PDE2A: variants seen among roughly 807,000 people sequenced by gnomAD.
PDE2A encodes cGMP-dependent 3',5'-cyclic phosphodiesterase.
A neutral mutation model predicts 133.6 loss-of-function variants in PDE2A; 53 were observed. The ratio of observed to expected loss-of-function variants is 0.40; its 90% CI spans 0.32 to 0.50. The LOEUF (loss-of-function observed/expected upper bound fraction) is 0.50. PDE2A is among the 20% of genes least tolerant of loss of function. The probability of loss-of-function intolerance (pLI) is 0.73; values close to 1 mark genes in which losing one functional copy is unlikely to be tolerated. For synonymous variants in PDE2A, 491 were observed against 490.2 expected (o/e 1.00, Z -0.02); for missense variants, 796 against 1,232.4 (o/e 0.65, Z 5.30).
chr11:72,606,561 A>G (rs550502826), intron 3 of PDE2A, among the ~76,000 whole-genome samples: 1 of 152,282 alleles, frequency 6.6e-6, no homozygotes, highest in East Asian at 1.9e-4. Context: ...TAAGGCCTGA[A>G]GGGAGTGAGA....
chr11:72,630,580 TG>T (rs1858325107), intron 2 of PDE2A, among the ~76,000 whole-genome samples: 1 of 48,720 alleles, frequency 2.1e-5, no homozygotes. Flanking sequence ...GGAGGGGGCA[TG>T]GGGGTGGGGA....
At chr11:72,609,943 T>C (rs1482422219) in intron 2 of PDE2A, among the ~76,000 whole-genome samples, 1 of 149,726 alleles carries the variant, frequency 6.7e-6, no homozygotes. Context: ...GCAGGCCATA[T>C]TAATAGAGGT....
chr11:72,607,815 A>G lies in PDE2A; in HGVS notation c.234+847T>C, dbSNP rs1364620213. 2.0e-5 allele frequency among the ~76,000 whole-genome samples: 3 copies of G among 152,142 alleles called. No homozygotes were observed. The East Asian group carries it at 5.8e-4, about 29-fold the overall frequency. On this transcript the variant is annotated intron_variant, in intron 3 of 30. Coordinates refer to ENST00000334456, the MANE Select transcript of PDE2A (RefSeq NM_002599.5). ...TTTAGAGTAGGGAAGAGGACATTCA[A>G]GGCTATCAGGACTCAGTTAGGGCAT...
chr11:72,655,506 C>A (rs117244798), intron 1 of PDE2A, among the ~76,000 whole-genome samples: 1 of 151,580 alleles, frequency 6.6e-6, no homozygotes, highest in Non-Finnish European at 1.5e-5. Flanking sequence ...TGTGTGTGCA[C>A]GCACGTGTGT....
chr11:72,606,788 G>A (rs569724326), intron 3 of PDE2A, among the ~76,000 whole-genome samples: 4 of 152,316 alleles, frequency 2.6e-5, no homozygotes, highest in Admixed American at 2.0e-4. Flanking sequence ...GCAGAGGGAG[G>A]GGTGGGTAGT....
In PDE2A at chr11:72,579,678, G is replaced by A. The variant is rs564158524; in HGVS notation, c.2182-70C>T. The A allele has an allele frequency of 5.7e-4, 616 of 1,087,200 alleles. 5 individuals carry two copies. The South Asian group carries it at 7.8e-3, about 14-fold the overall frequency. 67.3% of individuals were successfully genotyped at this position (1,087,200 alleles called of 1,614,324 possible). A position where few individuals can be genotyped will look rare whatever the true frequency, so the allele number is the denominator to read the frequency against. ...TCCCTTACCATTGACCCCAAGAGAG[G>A]AAGCAGGGGCCTCGTCCAGCTCCAG... is the stretch of plus-strand genomic sequence containing the variant. On this transcript the variant is annotated intron_variant, in intron 25 of 30. Transcript: ENST00000334456.
At position 72,590,270 on chromosome 11, in the gene PDE2A, G is replaced by A. The variant is rs1361977952; in HGVS notation, c.704-26C>T. The A allele has an allele frequency of 6.5e-7, 1 of 1,550,020 alleles. No individual in the cohort carries two copies. The highest frequency in any genetic ancestry group is 1.4e-5 in the African/African-American group (1 of 73,034). On this transcript the variant is annotated intron_variant, in intron 8 of 30. Transcript: ENST00000334456. The surrounding 1 kb of genome is among the most constrained non-coding windows in gnomAD (Gnocchi z 4.8). ...CTGCAAGGGCCAGGCGCCGGTCAGA[G>A]AGAGGGCCCCTCCGCACCTCCGTGT...
At chr11:72,667,171 G>A (rs781527147) in intron 1 of PDE2A, among the ~76,000 whole-genome samples, 6 of 151,972 alleles carry the variant, frequency 3.9e-5, no homozygotes, top group African/African-American at 9.7e-5. Context: ...ACTTTTATAC[G>A]AACACTGACC....
chr11:72,587,897 C>A (rs772583352), intron 13 of PDE2A: 1 of 152,330 alleles, frequency 6.6e-6, no homozygotes. Flanking sequence ...ACCTCAGGCC[C>A]GGGCTCTGAC....
Position 72,624,184 on chromosome 11 carries a change from G to A in PDE2A, c.145-15433C>T, listed in dbSNP as rs1342042510. Among the ~76,000 whole-genome samples the A allele has an allele frequency of 2.0e-5, 3 of 151,998 alleles. No homozygotes were observed. The East Asian group carries it at 5.8e-4, about 29-fold the overall frequency. ...TTTTTGTATTTTTAGTAGAGATGGGGTTTCACCAGACTGGTCTTGAACTCC... is the reference window on the plus strand; with the variant it reads ...TTTTTGTATTTTTAGTAGAGATGGGATTTCACCAGACTGGTCTTGAACTCC... On this transcript the variant is annotated intron_variant, in intron 2 of 30. Coordinates refer to ENST00000334456, the MANE Select transcript of PDE2A (RefSeq NM_002599.5).
At chr11:72,651,216 A>C (rs1591130004) in intron 1 of PDE2A, among the ~76,000 whole-genome samples, 1 of 152,188 alleles carries the variant, frequency 6.6e-6, no homozygotes, top group East Asian at 1.9e-4. Context: ...AGATTCTAAC[A>C]TTCTAATGTC....
At chr11:72,633,460 G>T in intron 2 of PDE2A, among the ~76,000 whole-genome samples, 1 of 152,198 alleles carries the variant, frequency 6.6e-6, no homozygotes, top group South Asian at 2.1e-4. Context: ...TCACAAAGGG[G>T]CTAGTTGGAT....
chr11:72,668,371 G>T (rs1471012630), intron 1 of PDE2A: 1 of 718,710 alleles, frequency 1.4e-6, no homozygotes, highest in South Asian at 1.5e-5. Flanking sequence ...TGGGTTTGTG[G>T]TGAGGATTAA....
At chr11:72,657,510 C>T (rs466929) in intron 1 of PDE2A, among the ~76,000 whole-genome samples, 5 of 152,244 alleles carry the variant, frequency 3.3e-5, no homozygotes, top group East Asian at 1.9e-4. Flanking sequence ...GCCCCAGCCC[C>T]GCTCACACAC....
intron 1 of PDE2A, among the ~76,000 whole-genome samples, chr11:72,647,863 G>A (rs1401450898): frequency 6.6e-6 from 1 of 152,222 alleles, no homozygotes; most frequent in African/African-American, 2.4e-5. Flanking sequence ...TTGTATCCTT[G>A]TGAGGGTGTG....
At chr11:72,582,882 G>A (rs1354667945) in intron 20 of PDE2A, among the ~76,000 whole-genome samples, 9 of 152,326 alleles carry the variant, frequency 5.9e-5, no homozygotes, top group African/African-American at 2.2e-4. Context: ...TCCTCCTTTT[G>A]TGGAGACCTT....
intron 1 of PDE2A, among the ~76,000 whole-genome samples, chr11:72,654,272 G>A (rs1287288728): frequency 6.6e-6 from 1 of 152,178 alleles, no homozygotes; most frequent in Non-Finnish European, 1.5e-5. Flanking sequence ...TCGGCGTCAG[G>A]GAAGTGGCAG....
intron 2 of PDE2A, among the ~76,000 whole-genome samples, chr11:72,614,336 C>T (rs1462727255): frequency 6.6e-6 from 1 of 152,176 alleles, no homozygotes; most frequent in Non-Finnish European, 1.5e-5. Context: ...CTTGGCAACC[C>T]TTGGGAGGCT....
At chr11:72,642,896 G>C (rs1859021393) in intron 1 of PDE2A, 1 of 154,744 alleles carries the variant, frequency 6.5e-6, no homozygotes, top group South Asian at 2.0e-4. Flanking sequence ...CAGCCTAGGA[G>C]GCAGGGGGAA....
Sources: allele counts gnomAD v4.1 joint callset (sites outside exome capture counted in the v4.1 genomes callset), GRCh38; gene constraint gnomAD v4.1.1; non-coding constraint Gnocchi (gnomAD v3.1); transcripts MANE v1.5; gene names NCBI Gene and HGNC (gene_info 2026-07-23, HGNC 2026-07-21).